Variants in ATRNL1 observed in about 807,000 individuals in gnomAD.
The protein encoded by ATRNL1 is attractin-like protein 1.
A neutral mutation model predicts 182.7 loss-of-function variants in ATRNL1; 95 were observed. The ratio of observed to expected loss-of-function variants is 0.52; its 90% CI spans 0.44 to 0.62. The LOEUF (loss-of-function observed/expected upper bound fraction) is 0.62, where lower values mean the gene tolerates loss of function less well. Ranked by LOEUF, ATRNL1 falls within the 20% of genes least tolerant of loss-of-function variation. The probability of loss-of-function intolerance (pLI) is 0.00; values close to 1 mark genes in which losing one functional copy is unlikely to be tolerated. For synonymous variants in ATRNL1, 576 were observed against 568.3 expected (o/e 1.01, Z -0.19); for missense variants, 1,471 against 1,679.5 (o/e 0.88, Z 2.17).
intron 22 of ATRNL1, among the ~76,000 whole-genome samples, chr10:115,466,079 C>A (rs142946454): frequency 7.9e-4 from 120 of 151,498 alleles, no homozygotes; most frequent in African/African-American, 2.8e-3. Flanking sequence ...TATGATGTTC[C>A]TTATTTCTCC....
At chr10:115,436,027 T>A (rs1164741887) in intron 21 of ATRNL1, among the ~76,000 whole-genome samples, 1 of 152,128 alleles carries the variant, frequency 6.6e-6, no homozygotes, top group Non-Finnish European at 1.5e-5. Flanking sequence ...GTTGGGGTAC[T>A]TGAGCAAAAA....
chr10:115,407,890 A>G (rs1353103291), intron 20 of ATRNL1, among the ~76,000 whole-genome samples: 1 of 150,404 alleles, frequency 6.6e-6, no homozygotes. Flanking sequence ...CCCCACCGGC[A>G]TCTTATATTT....
intron 10 of ATRNL1, among the ~76,000 whole-genome samples, chr10:115,261,312 G>A (rs182592398): frequency 2.8e-4 from 42 of 152,130 alleles, no homozygotes; most frequent in African/African-American, 9.9e-4. Flanking sequence ...TACCTCCAAT[G>A]TACACTTTAT....
At chr10:115,257,646 C>T (rs146597930) in intron 10 of ATRNL1, among the ~76,000 whole-genome samples, 1 of 152,188 alleles carries the variant, frequency 6.6e-6, no homozygotes, top group Non-Finnish European at 1.5e-5. Flanking sequence ...TTGATCCTGT[C>T]ATTATGATGT....
intron 27 of ATRNL1, among the ~76,000 whole-genome samples, chr10:115,776,423 A>G (rs1437247642): frequency 2.0e-5 from 3 of 152,182 alleles, no homozygotes; most frequent in African/African-American, 7.2e-5. Context: ...TAGATTAAAG[A>G]TGGCTTCAAA....
chr10:115,299,661 T>G (rs1853374628), intron 15 of ATRNL1, among the ~76,000 whole-genome samples: 1 of 152,080 alleles, frequency 6.6e-6, no homozygotes, highest in South Asian at 2.1e-4. Context: ...CTGATTACAT[T>G]GATAGTAGTA....
intron 20 of ATRNL1, among the ~76,000 whole-genome samples, chr10:115,414,576 C>T (rs1186599007): frequency 6.6e-6 from 1 of 151,840 alleles, no homozygotes; most frequent in Non-Finnish European, 1.5e-5. Flanking sequence ...TTCCAGTATA[C>T]TCAGAGAGAT....
intron 6 of ATRNL1, among the ~76,000 whole-genome samples, chr10:115,162,487 A>G (rs1841659401): frequency 6.6e-6 from 1 of 151,964 alleles, no homozygotes; most frequent in Non-Finnish European, 1.5e-5. Context: ...AGAGGGATAC[A>G]TTAAATTAGA....
intron 5 of ATRNL1, among the ~76,000 whole-genome samples, chr10:115,136,628 C>T (rs1845525551): frequency 6.6e-6 from 1 of 152,214 alleles, no homozygotes; most frequent in South Asian, 2.1e-4. Context: ...CTGCCAACCA[C>T]TGATCTTTTT....
intron 27 of ATRNL1, among the ~76,000 whole-genome samples, chr10:115,804,414 C>T (rs1949870982): frequency 6.6e-6 from 1 of 152,042 alleles, no homozygotes; most frequent in African/African-American, 2.4e-5. Context: ...GGTTGGGGCC[C>T]TCATAAATGG....
intron 25 of ATRNL1, among the ~76,000 whole-genome samples, chr10:115,537,332 A>C (rs1177080901): frequency 6.6e-6 from 1 of 152,122 alleles, no homozygotes; most frequent in Non-Finnish European, 1.5e-5. Flanking sequence ...TTACACCTCA[A>C]ACTTAACATG....
At chr10:115,539,430 T>C (rs1166383821) in intron 25 of ATRNL1, among the ~76,000 whole-genome samples, 1 of 152,172 alleles carries the variant, frequency 6.6e-6, no homozygotes. Context: ...GTATATGATA[T>C]CAGCAGGCAG....
intron 25 of ATRNL1, among the ~76,000 whole-genome samples, chr10:115,538,958 AC>A (rs2133778273): frequency 6.6e-6 from 1 of 152,332 alleles, no homozygotes; most frequent in African/African-American, 2.4e-5. Flanking sequence ...AGTATTCAAT[AC>A]AGTAACATGC....
chr10:115,146,603 G>A (rs974730188), intron 5 of ATRNL1, among the ~76,000 whole-genome samples: 5 of 151,962 alleles, frequency 3.3e-5, no homozygotes, highest in African/African-American at 7.2e-5. Flanking sequence ...ATTAGCCAAT[G>A]TCTGTCCTCC....
chr10:115,388,792 T>C (rs966122387), intron 19 of ATRNL1, among the ~76,000 whole-genome samples: 4 of 152,206 alleles, frequency 2.6e-5, no homozygotes, highest in Non-Finnish European at 5.9e-5. Flanking sequence ...CCTTTGTTTT[T>C]ATTTATGTTT....
chr10:115,446,740 C>T (rs1287346491), intron 21 of ATRNL1, among the ~76,000 whole-genome samples: 4 of 151,974 alleles, frequency 2.6e-5, no homozygotes, highest in Non-Finnish European at 5.9e-5. Context: ...TGAAGCTCTA[C>T]GAAGCTCATA....
intron 25 of ATRNL1, among the ~76,000 whole-genome samples, chr10:115,523,002 A>G (rs1033131655): frequency 2.0e-5 from 3 of 152,072 alleles, no homozygotes. Flanking sequence ...AGGGCCTCCA[A>G]CCGCATATTT....
At chr10:115,165,014 T>A (rs1554884038) in intron 6 of ATRNL1, among the ~76,000 whole-genome samples, 3 of 152,042 alleles carry the variant, frequency 2.0e-5, no homozygotes, top group African/African-American at 7.2e-5. Flanking sequence ...GTGTTTGAGG[T>A]AATAGATATT....
intron 28 of ATRNL1, among the ~76,000 whole-genome samples, chr10:115,851,217 G>C (rs1951047687): frequency 1.3e-5 from 2 of 152,108 alleles, no homozygotes; most frequent in South Asian, 4.1e-4. Flanking sequence ...ATTTAAGAAG[G>C]ATGAGCTTGA....
Sources: gnomAD v4.1 joint callset for allele counts (sites outside exome capture counted in the v4.1 genomes callset) on GRCh38, gnomAD v4.1.1 for gene constraint, MANE v1.5 for transcripts, NCBI Gene and HGNC (gene_info 2026-07-23, HGNC 2026-07-21) for gene names.